HS6ST3: variants seen among roughly 807,000 people sequenced by gnomAD.
The protein encoded by HS6ST3 is heparan sulfate 6-O-sulfotransferase 3.
Under a neutral mutation model 36.7 loss-of-function variants are expected in HS6ST3, and 12 were observed. The observed-to-expected ratio is 0.33, with a 90% CI of 0.21 to 0.53. The LOEUF (loss-of-function observed/expected upper bound fraction) is 0.53. HS6ST3 is among the 20% of genes least tolerant of loss of function. The pLI is 0.95. For synonymous variants in HS6ST3, 240 were observed against 257.5 expected (o/e 0.93, Z 0.65); for missense variants, 584 against 640.9 (o/e 0.91, Z 0.96).
intron 1 of HS6ST3, among the ~76,000 whole-genome samples, chr13:96,746,169 G>A (rs1225315880): frequency 1.3e-5 from 2 of 152,002 alleles, no homozygotes; most frequent in East Asian, 3.9e-4. Context: ...CTAAATCCAG[G>A]CACTTTTATA....
intron 1 of HS6ST3, among the ~76,000 whole-genome samples, chr13:96,666,742 A>C (rs1294212043): frequency 6.6e-6 from 1 of 152,094 alleles, no homozygotes; most frequent in South Asian, 2.1e-4. Context: ...TCATTTTCAA[A>C]ATTTTACTTC....
chr13:96,580,891 G>A (rs932282660), intron 1 of HS6ST3, among the ~76,000 whole-genome samples: 1 of 151,914 alleles, frequency 6.6e-6, no homozygotes, highest in Non-Finnish European at 1.5e-5. Flanking sequence ...ATTGAAAATT[G>A]GATCTCTGAG....
intron 1 of HS6ST3, among the ~76,000 whole-genome samples, chr13:96,474,447 T>C (rs746809192): frequency 4.6e-5 from 7 of 152,118 alleles, no homozygotes; most frequent in Non-Finnish European, 8.8e-5. Flanking sequence ...AGAGCAAATA[T>C]AGGGGCCTGG....
At chr13:96,165,596 G>A (rs929821971) in intron 1 of HS6ST3, among the ~76,000 whole-genome samples, 19 of 152,278 alleles carry the variant, frequency 1.2e-4, no homozygotes, top group Admixed American at 3.9e-4. Flanking sequence ...TGTGCAAATG[G>A]GTCAGCTGTG....
intron 1 of HS6ST3, among the ~76,000 whole-genome samples, chr13:96,400,368 G>C (rs529614523): frequency 1.7e-4 from 26 of 151,596 alleles, no homozygotes; most frequent in African/African-American, 6.0e-4. Flanking sequence ...GAATAGGCTG[G>C]GAATTCCTTC....
At chr13:96,367,852 C>T (rs984046805) in intron 1 of HS6ST3, among the ~76,000 whole-genome samples, 2 of 152,178 alleles carry the variant, frequency 1.3e-5, no homozygotes, top group Non-Finnish European at 2.9e-5. Context: ...CTGCCCACTC[C>T]TCCCCTTTCT....
chr13:96,509,744 T>C (rs973052437), intron 1 of HS6ST3, among the ~76,000 whole-genome samples: 1 of 152,216 alleles, frequency 6.6e-6, no homozygotes, highest in African/African-American at 2.4e-5. Flanking sequence ...TTAGTAACGG[T>C]AGCCATGTAG....
intron 1 of HS6ST3, among the ~76,000 whole-genome samples, chr13:96,737,627 G>A (rs1192509278): frequency 3.0e-5 from 2 of 66,328 alleles, no homozygotes; most frequent in Non-Finnish European, 5.0e-5. Flanking sequence ...GCGAGACTCC[G>A]TCTCAAAAAA....
intron 1 of HS6ST3, among the ~76,000 whole-genome samples, chr13:96,676,382 T>C (rs539107167): frequency 2.0e-5 from 3 of 152,264 alleles, no homozygotes; most frequent in Non-Finnish European, 4.4e-5. Flanking sequence ...TAAGAGACTC[T>C]ATATGGGCAG....
chr13:96,459,100 TAAA>T lies in HS6ST3; in HGVS notation c.707+367554_707+367556del, dbSNP rs747439262. 1.0e-3 allele frequency among the ~76,000 whole-genome samples: 64 copies of T among 63,882 alleles called. 1 individual carries two copies. In the South Asian group the frequency reaches 0.021, roughly 21 times the overall value. 41.9% of individuals were successfully genotyped at this position (63,882 alleles called of 152,430 possible). A position where few individuals can be genotyped will look rare whatever the true frequency, so the allele number is the denominator to read the frequency against. ...GCCTGGGCGACAGAGCAAGACTGTC[TAAA>T]AAAAAAAAAAAAAAAAAAAAAAGAG... On this transcript the variant is annotated intron_variant, in intron 1 of 1. Coordinates refer to ENST00000376705, the MANE Select transcript of HS6ST3 (RefSeq NM_153456.4).
chr13:96,215,407 C>T (rs1257969439), intron 1 of HS6ST3, among the ~76,000 whole-genome samples: 1 of 152,188 alleles, frequency 6.6e-6, no homozygotes, highest in Non-Finnish European at 1.5e-5. Context: ...ATGCCGATGG[C>T]AGTGGGTTTA....
At chr13:96,300,836 C>T in intron 1 of HS6ST3, among the ~76,000 whole-genome samples, 1 of 152,188 alleles carries the variant, frequency 6.6e-6, no homozygotes, top group South Asian at 2.1e-4. Context: ...ATAATAGTAA[C>T]AACTTAATGA....
At chr13:96,115,716 G>A (rs996721051) in intron 1 of HS6ST3, among the ~76,000 whole-genome samples, 1 of 152,186 alleles carries the variant, frequency 6.6e-6, no homozygotes. Flanking sequence ...ACACATGCAA[G>A]TATCTTTATA....
Position 96,624,875 on chromosome 13 carries a change from G to A in HS6ST3, c.708-207615G>A, listed in dbSNP as rs533840771. 5.3e-5 allele frequency among the ~76,000 whole-genome samples: 8 copies of A among 151,922 alleles called. No homozygotes were observed. The South Asian group carries it at 1.3e-3, about 24-fold the overall frequency. On this transcript the variant is annotated intron_variant, in intron 1 of 1. Transcript: ENST00000376705. Reference sequence around the variant, plus strand: ...CTATTGTTAATTTTTTTTCCAATTTGGGTTATTAAATAGTGGGTCTGCAGA... The same window carrying A: ...CTATTGTTAATTTTTTTTCCAATTTAGGTTATTAAATAGTGGGTCTGCAGA...
chr13:96,311,545 T>C (rs902717535), intron 1 of HS6ST3, among the ~76,000 whole-genome samples: 1 of 152,130 alleles, frequency 6.6e-6, no homozygotes, highest in African/African-American at 2.4e-5. Context: ...TCATGAAACA[T>C]GGATTTAAAG....
At chr13:96,172,512 A>G (rs7328389) in intron 1 of HS6ST3, among the ~76,000 whole-genome samples, 64,950 of 152,054 alleles carry the variant, frequency 0.43, 14,084 homozygotes, top group Middle Eastern at 0.49. Flanking sequence ...CAGATATACT[A>G]TCTTGATTTT....
intron 1 of HS6ST3, among the ~76,000 whole-genome samples, chr13:96,225,057 C>G (rs970316028): frequency 6.6e-5 from 10 of 152,120 alleles, no homozygotes; most frequent in African/African-American, 2.4e-4. Context: ...TTGAGAGAGT[C>G]CCTAAGAATG....
Position 96,488,905 on chromosome 13 carries a change from TC to T in HS6ST3, c.708-343584del, listed in dbSNP as rs150407093. ...CCTTAAAAAGCATTTTTTTTCTACT[TC>T]TTGGGGAAAATAGATATAAAAAATT... On this transcript the variant is annotated intron_variant, in intron 1 of 1. Transcript: ENST00000376705. Among the ~76,000 whole-genome samples, 704 of 152,128 alleles carry T rather than the reference TC, an allele frequency of 4.6e-3. 7 individuals are homozygous for T. The highest frequency in any genetic ancestry group is 0.016 in the African/African-American group (650 of 41,528).
At chr13:96,256,175 C>A (rs1448344176) in intron 1 of HS6ST3, among the ~76,000 whole-genome samples, 1 of 152,098 alleles carries the variant, frequency 6.6e-6, no homozygotes, top group Admixed American at 6.5e-5. Context: ...ATAGTGTATG[C>A]CATCAGGTGA....
Sources: gnomAD v4.1 joint callset for allele counts (sites outside exome capture counted in the v4.1 genomes callset) on GRCh38, gnomAD v4.1.1 for gene constraint, MANE v1.5 for transcripts, NCBI Gene and HGNC (gene_info 2026-07-23, HGNC 2026-07-21) for gene names.